PALM2AKAP2: variants seen among roughly 807,000 people sequenced by gnomAD.
PALM2AKAP2 encodes PALM2-AKAP2 fusion protein.
In PALM2AKAP2, 37 loss-of-function variants were observed where a neutral mutation model predicts 71.5. The ratio of observed to expected loss-of-function variants is 0.52; its 90% CI spans 0.40 to 0.68. The LOEUF (loss-of-function observed/expected upper bound fraction) is 0.68. PALM2AKAP2 is among the 30% of genes least tolerant of loss of function. PALM2AKAP2 has a pLI of 0.00. For missense variants in PALM2AKAP2, 1,224 were observed against 1,191.8 expected, an observed-to-expected ratio of 1.03 and a Z score of -0.40; for synonymous variants, 468 against 478.8, an observed-to-expected ratio of 0.98 and a Z score of 0.29.
At chr9:109,978,761 T>C (rs889396946) in intron 6 of PALM2AKAP2, among the ~76,000 whole-genome samples, 1 of 152,188 alleles carries the variant, frequency 6.6e-6, no homozygotes, top group Non-Finnish European at 1.5e-5. Context: ...GGATTCTCCC[T>C]GAGATTCGTT....
intron 6 of PALM2AKAP2, among the ~76,000 whole-genome samples, chr9:110,000,069 G>A (rs757012080): frequency 2.7e-5 from 4 of 149,778 alleles, no homozygotes; most frequent in Admixed American, 6.7e-5. Flanking sequence ...ATGCAGGTTT[G>A]TTACATATAT....
At chr9:109,986,549 G>T (rs1832382572) in intron 6 of PALM2AKAP2, among the ~76,000 whole-genome samples, 1 of 152,172 alleles carries the variant, frequency 6.6e-6, no homozygotes. Context: ...AATTTTCAGT[G>T]CTACGGCTTC....
At position 109,867,072 on chromosome 9, in the gene PALM2AKAP2, A is replaced by G. The variant is rs775187057; in HGVS notation, c.46-419A>G. The G allele has an allele frequency of 2.8e-5, 13 of 456,582 alleles. No individual in the cohort carries two copies. The East Asian group carries it at 9.0e-4, about 32-fold the overall frequency. 28.3% of individuals were successfully genotyped at this position (456,582 alleles called of 1,614,324 possible). A position where few individuals can be genotyped will look rare whatever the true frequency, so the allele number is the denominator to read the frequency against. On this transcript the variant is annotated intron_variant, in intron 1 of 9. Transcript: ENST00000302798. ...CCAGAATTTCCCACTGTCTTATTCT[A>G]TGGTATTTGCAGTTTGTAAGAACCT...
chr9:109,857,967 A>G lies in PALM2AKAP2; in HGVS notation c.46-9524A>G, dbSNP rs529540027. On this transcript the variant is annotated intron_variant, in intron 1 of 9. Transcript: ENST00000302798. ...CACTACACAACTGAATTGTTGTTGC[A>G]TGAGTAAATTGCAGTTGTTTAGACA... is the stretch of plus-strand genomic sequence containing the variant. 7.2e-4 allele frequency among the ~76,000 whole-genome samples: 110 copies of G among 152,356 alleles called. 1 individual carries two copies. The highest frequency in any genetic ancestry group is 2.6e-3 in the African/African-American group (110 of 41,598).
rs56743395 is a variant in PALM2AKAP2, at chr9:109,954,658, T to TAAAAAAAAAAAAAAA, written c.496+22639_496+22653dup. Among the ~76,000 whole-genome samples, 2 of 107,940 alleles carry TAAAAAAAAAAAAAAA rather than the reference T, an allele frequency of 1.9e-5. 1 individual carries two copies. Among genetic ancestry groups the TAAAAAAAAAAAAAAA allele is most frequent in the African/African-American group, 7.0e-5 (2 of 28,554 alleles). 70.8% of individuals were successfully genotyped at this position (107,940 alleles called of 152,430 possible). ...ATGTACCCTAAAACTTAAAGTATAATAAAAAAAAAAAAAAAAAAAAAAAGA... is the reference window on the plus strand; with the variant it reads ...ATGTACCCTAAAACTTAAAGTATAATAAAAAAAAAAAAAAAAAAAAAAAAAAAAAAAAAAAAAAGA... On this transcript the variant is annotated intron_variant, in intron 6 of 9. Coordinates refer to the PALM2AKAP2 transcript ENST00000302798.
intron 1 of PALM2AKAP2, among the ~76,000 whole-genome samples, chr9:109,801,730 T>G (rs980347773): frequency 2.8e-4 from 40 of 142,372 alleles, no homozygotes; most frequent in African/African-American, 1.0e-3. Flanking sequence ...GTGTGTGTGT[T>G]TGTGTGTGTG....
intron 1 of PALM2AKAP2, among the ~76,000 whole-genome samples, chr9:109,848,274 G>T (rs1224880652): frequency 6.6e-6 from 1 of 152,180 alleles, no homozygotes; most frequent in African/African-American, 2.4e-5. Flanking sequence ...CCAGTGACTT[G>T]CTCAAGGTCA....
At position 109,705,677 on chromosome 9, in the gene PALM2AKAP2, A is replaced by G. The variant is rs538340562; in HGVS notation, c.5+64811A>G. Among the ~76,000 whole-genome samples, 95 of 152,280 alleles carry G rather than the reference A, an allele frequency of 6.2e-4. 2 individuals are homozygous for G. The highest frequency in any genetic ancestry group is 9.9e-4 in the African/African-American group (41 of 41,570). On this transcript the variant is annotated intron_variant, in intron 1 of 6. Transcript: ENST00000374531. Reference sequence around the variant, plus strand: ...GAACTACCCAGTTAAGGAAGGTGGTATTTGTCCTTTTCCAAAGATAGCATA... The same window carrying G: ...GAACTACCCAGTTAAGGAAGGTGGTGTTTGTCCTTTTCCAAAGATAGCATA...
intron 1 of PALM2AKAP2, among the ~76,000 whole-genome samples, chr9:109,760,102 C>T (rs562332631): frequency 2.0e-5 from 3 of 152,198 alleles, no homozygotes; most frequent in African/African-American, 7.2e-5. Context: ...GATTTTTGCC[C>T]CTATAGTTTT....
At chr9:109,726,759 C>T (rs1048749671) in intron 1 of PALM2AKAP2, among the ~76,000 whole-genome samples, 2 of 152,164 alleles carry the variant, frequency 1.3e-5, no homozygotes, top group Non-Finnish European at 2.9e-5. Context: ...TCATCTAGAA[C>T]TGTATAGTCA....
intron 1 of PALM2AKAP2, among the ~76,000 whole-genome samples, chr9:109,696,031 T>C (rs536389114): frequency 5.9e-4 from 90 of 152,302 alleles, no homozygotes; most frequent in African/African-American, 2.0e-3. Context: ...ATGTTTCCAA[T>C]ACAAAGATCG....
chr9:109,983,394 C>G (rs570799047), intron 6 of PALM2AKAP2, among the ~76,000 whole-genome samples: 1 of 152,234 alleles, frequency 6.6e-6, no homozygotes, highest in East Asian at 1.9e-4. Flanking sequence ...TTCATGCTCT[C>G]TCTCTTCTTT....
At chr9:109,709,824 T>C (rs560923383) in intron 1 of PALM2AKAP2, among the ~76,000 whole-genome samples, 44 of 152,318 alleles carry the variant, frequency 2.9e-4, no homozygotes, top group South Asian at 2.5e-3. Context: ...TTCAGGTGTA[T>C]ACAACCTGTA....
chr9:109,796,926 G>A (rs926917804), intron 1 of PALM2AKAP2, among the ~76,000 whole-genome samples: 12 of 152,280 alleles, frequency 7.9e-5, no homozygotes, highest in African/African-American at 2.9e-4. Flanking sequence ...TCTACCTGGG[G>A]CTTGTGCTTA....
intron 1 of PALM2AKAP2, among the ~76,000 whole-genome samples, chr9:109,649,594 G>A (rs1009338725): frequency 1.3e-5 from 2 of 152,270 alleles, no homozygotes; most frequent in African/African-American, 4.8e-5. Context: ...TTTCTGAAAT[G>A]TATTTATCTG....
At chr9:109,870,860 G>C (rs962615461) in intron 2 of PALM2AKAP2, among the ~76,000 whole-genome samples, 1 of 152,056 alleles carries the variant, frequency 6.6e-6, no homozygotes, top group Admixed American at 6.6e-5. Flanking sequence ...TTGAAGTAGA[G>C]AATATTAGGA....
upstream of PALM2AKAP2, chr9:110,048,637 C>T: frequency 6.9e-7 from 1 of 1,447,072 alleles, no homozygotes; most frequent in Non-Finnish European, 9.0e-7. Context: ...GGGGCGGGCC[C>T]CAGGAGCAGG....
intron 7 of PALM2AKAP2, among the ~76,000 whole-genome samples, chr9:110,039,575 G>A (rs1168432890): frequency 1.3e-5 from 2 of 152,150 alleles, no homozygotes; most frequent in Admixed American, 6.5e-5. Flanking sequence ...ACCGTAAAAT[G>A]AGAAAAATGG....
At chr9:109,802,483 T>G (rs774300238) in intron 1 of PALM2AKAP2, among the ~76,000 whole-genome samples, 1 of 152,066 alleles carries the variant, frequency 6.6e-6, no homozygotes, top group African/African-American at 2.4e-5. Flanking sequence ...AGGGGAAAAA[T>G]ATAATTTAGA....
Sources: allele counts gnomAD v4.1 joint callset (sites outside exome capture counted in the v4.1 genomes callset), GRCh38; gene constraint gnomAD v4.1.1; transcripts MANE v1.5; gene names NCBI Gene and HGNC (gene_info 2026-07-23, HGNC 2026-07-21).